The following ITSN1 variants were observed in gnomAD, a reference collection of about 807,000 sequenced individuals.
The protein encoded by ITSN1 is intersectin-1.
In ITSN1, 58 loss-of-function variants were observed where a neutral mutation model predicts 239.8. The ratio of observed to expected loss-of-function variants is 0.24; its 90% CI spans 0.20 to 0.30. ITSN1 has a LOEUF of 0.30. Among genes scored for constraint, ITSN1 ranks in the 10% least tolerant of loss-of-function variants. The pLI is 1.00. For synonymous variants in ITSN1, 780 were observed against 770.8 expected (o/e 1.01, Z -0.20); for missense variants, 1,558 against 2,103.3 (o/e 0.74, Z 5.07).
At chr21:33,709,246 C>A (rs1042346798) in intron 1 of ITSN1, among the ~76,000 whole-genome samples, 3 of 152,160 alleles carry the variant, frequency 2.0e-5, no homozygotes, top group Non-Finnish European at 4.4e-5. Context: ...TCTTTCAACC[C>A]ATGAACTTAG....
At chr21:33,807,083 A>C (rs1006497956) in intron 20 of ITSN1, among the ~76,000 whole-genome samples, 13 of 152,200 alleles carry the variant, frequency 8.5e-5, no homozygotes, top group Admixed American at 6.5e-4. Context: ...TATACTTGTA[A>C]GAGTAAATTA....
At chr21:33,718,056 C>T (rs970306902) in intron 1 of ITSN1, among the ~76,000 whole-genome samples, 3 of 152,162 alleles carry the variant, frequency 2.0e-5, no homozygotes, top group East Asian at 1.9e-4. Context: ...AACTCCACAG[C>T]GTTTGGTCAC....
intron 39 of ITSN1, 23 bp from the exon 40 acceptor site, chr21:33,888,128 AG>A (rs778580222): frequency 6.2e-7 from 1 of 1,612,914 alleles, no homozygotes; most frequent in Non-Finnish European, 8.5e-7. Context: ...CCCTCTTAGG[AG>A]GGTCTGTTTG....
At chr21:33,764,082 C>A (rs956907582) in intron 9 of ITSN1, among the ~76,000 whole-genome samples, 11 of 152,064 alleles carry the variant, frequency 7.2e-5, no homozygotes, top group Admixed American at 5.9e-4. Flanking sequence ...TCCTAGGGCC[C>A]CCTGAAATAT....
At chr21:33,664,573 A>G (rs1277166766) in intron 1 of ITSN1, among the ~76,000 whole-genome samples, 1 of 152,198 alleles carries the variant, frequency 6.6e-6, no homozygotes, top group East Asian at 1.9e-4. Flanking sequence ...GTGGGGACAC[A>G]TAGCAGTTAC....
At chr21:33,883,046 C>G (rs925951757) in intron 35 of ITSN1, among the ~76,000 whole-genome samples, 1 of 152,036 alleles carries the variant, frequency 6.6e-6, no homozygotes, top group African/African-American at 2.4e-5. Flanking sequence ...TTCTCTGAGG[C>G]AGCAGTTAGC....
chr21:33,867,410 C>G (rs1981792915), intron 33 of ITSN1, 79 bp downstream of exon 33: 1 of 814,418 alleles, frequency 1.2e-6, no homozygotes, highest in East Asian at 2.4e-5. Flanking sequence ...GACAAGATTC[C>G]CAGTGAACAT....
At chr21:33,772,392 A>T (rs2069236843) in intron 12 of ITSN1, 69 bp downstream of exon 12, 1 of 1,507,362 alleles carries the variant, frequency 6.6e-7, no homozygotes, top group African/African-American at 1.4e-5. Flanking sequence ...TATCCAAGTG[A>T]TCTATTCACG....
chr21:33,707,308 G>T (rs979300722), intron 1 of ITSN1, among the ~76,000 whole-genome samples: 1 of 151,878 alleles, frequency 6.6e-6, no homozygotes, highest in Non-Finnish European at 1.5e-5. Context: ...TTTTTTGTGT[G>T]TGTTGGGGGG....
In ITSN1 at chr21:33,823,612, G is replaced by A. The variant is rs1440104219; in HGVS notation, c.3142G>A (p.Gly1048Arg). 1 of 1,614,088 alleles carries A rather than the reference G, an allele frequency of 6.2e-7. No individual in the cohort carries two copies. Among genetic ancestry groups the A allele is most frequent in the South Asian group, 1.1e-5 (1 of 91,062 alleles). Residue 1048 changes from glycine (G) to arginine (R), a missense_variant, in exon 25 of 40, where the codon GGA (glycine) becomes AGA (arginine). By Grantham distance (125) the Gly-to-Arg change is moderately radical. Transcript: ENST00000381318. ...WWTGTVGDKA[G>R]VFPSNYVRLK... is the part of the protein sequence containing the mutation. Reference sequence around the variant, plus strand: ...GACAGGAACAGTGGGCGACAAGGCCGGAGTCTTCCCTTCTAACTATGTGAG... The same window carrying A: ...GACAGGAACAGTGGGCGACAAGGCCAGAGTCTTCCCTTCTAACTATGTGAG...
chr21:33,734,738 A>G (rs916575123), intron 4 of ITSN1, among the ~76,000 whole-genome samples: 1 of 152,198 alleles, frequency 6.6e-6, no homozygotes, highest in South Asian at 2.1e-4. Flanking sequence ...AGTCACTATT[A>G]GCTAATTTTA....
intron 26 of ITSN1, among the ~76,000 whole-genome samples, chr21:33,827,936 C>T (rs191923153): frequency 1.4e-4 from 21 of 152,218 alleles, no homozygotes; most frequent in Non-Finnish European, 2.6e-4. Flanking sequence ...GGAAATTTCA[C>T]GTAGTCTAGG....
chr21:33,684,938 C>A (rs2091163754), intron 1 of ITSN1, among the ~76,000 whole-genome samples: 1 of 152,146 alleles, frequency 6.6e-6, no homozygotes, highest in Non-Finnish European at 1.5e-5. Context: ...AACTAGCTTT[C>A]TTTTCTTTCT....
chr21:33,696,569 C>T (rs2146741752), intron 1 of ITSN1, among the ~76,000 whole-genome samples: 1 of 152,306 alleles, frequency 6.6e-6, no homozygotes, highest in African/African-American at 2.4e-5. Flanking sequence ...TTTATAATTA[C>T]TGGCTCATGG....
At chr21:33,842,874 CAGTG>C (rs1279706863) in intron 29 of ITSN1, among the ~76,000 whole-genome samples, 9 of 152,126 alleles carry the variant, frequency 5.9e-5, no homozygotes, top group Non-Finnish European at 1.0e-4. Flanking sequence ...CTGTTTCCCT[CAGTG>C]AGAGGATGAA....
intron 5 of ITSN1, among the ~76,000 whole-genome samples, chr21:33,737,746 G>C (rs1054722241): frequency 3.3e-5 from 5 of 151,892 alleles, no homozygotes; most frequent in Non-Finnish European, 5.9e-5. Flanking sequence ...GCTAATTTTT[G>C]TATTTTTAAT....
intron 26 of ITSN1, among the ~76,000 whole-genome samples, chr21:33,828,676 C>T (rs2074113681): frequency 6.6e-6 from 1 of 152,052 alleles, no homozygotes; most frequent in African/African-American, 2.4e-5. Flanking sequence ...CTTTCGTTCA[C>T]AAACCACACT....
chr21:33,755,242 A>G, intron 7 of ITSN1, 55 bp from the exon 8 acceptor site: 3 of 977,284 alleles, frequency 3.1e-6, no homozygotes, highest in Non-Finnish European at 4.6e-6. Flanking sequence ...AAGGAACTTT[A>G]CCAGGCTGTT....
At chr21:33,878,803 C>T (rs1485299072) in intron 34 of ITSN1, among the ~76,000 whole-genome samples, 1 of 152,184 alleles carries the variant, frequency 6.6e-6, no homozygotes, top group Non-Finnish European at 1.5e-5. Flanking sequence ...TAGTGAGTAA[C>T]CACCCATGTG....
Sources: gnomAD v4.1 joint callset for allele counts (sites outside exome capture counted in the v4.1 genomes callset) on GRCh38, gnomAD v4.1.1 for gene constraint, MANE v1.5 for transcripts, NCBI Gene and HGNC (gene_info 2026-07-23, HGNC 2026-07-21) for gene names.